DNM3: variants seen among roughly 807,000 people sequenced by gnomAD.
DNM3 encodes the protein dynamin-3.
DNM3 carries 47 observed loss-of-function variants against 101.6 expected under a neutral mutation model. The observed-to-expected ratio is 0.46, with a 90% CI of 0.37 to 0.59. The LOEUF is 0.59. Ranked by LOEUF, DNM3 falls within the 20% of genes least tolerant of loss-of-function variation. DNM3 has a pLI of 0.00. For missense variants in DNM3, 849 were observed against 1,085.7 expected (o/e 0.78, Z 3.06); for synonymous variants, 385 against 387.9 (o/e 0.99, Z 0.09).
intron 14 of DNM3, among the ~76,000 whole-genome samples, chr1:172,228,086 A>G (rs188613193): frequency 1.8e-4 from 27 of 152,082 alleles, no homozygotes; most frequent in Admixed American, 5.2e-4. Flanking sequence ...ATTCATATAT[A>G]TTGCCAATAC....
intron 4 of DNM3, among the ~76,000 whole-genome samples, chr1:172,030,086 C>A (rs2048495015): frequency 6.6e-6 from 1 of 152,086 alleles, no homozygotes; most frequent in Admixed American, 6.5e-5. Context: ...CCAAAAAGAG[C>A]CCATGTAGCC....
intron 14 of DNM3, among the ~76,000 whole-genome samples, chr1:172,213,164 G>T (rs558071970): frequency 6.6e-6 from 1 of 152,180 alleles, no homozygotes; most frequent in East Asian, 1.9e-4. Context: ...AATAAGTCCA[G>T]CACCATCAGG....
At chr1:172,002,517 G>T (rs2046416373) in intron 4 of DNM3, among the ~76,000 whole-genome samples, 1 of 152,056 alleles carries the variant, frequency 6.6e-6, no homozygotes, top group Non-Finnish European at 1.5e-5. Flanking sequence ...TGTTTGCAAA[G>T]AGTAGATCAT....
At position 172,410,805 on chromosome 1, in the gene DNM3, A is replaced by T. The variant is rs2071161993; in HGVS notation, c.*2964A>T. ...CTGTAAGCCTTCTCGACTTAGACTT[A>T]AAAAGTGGTCACATAGATTAATTTT... On this transcript the variant is annotated 3_prime_UTR_variant, in exon 21 of 21. Transcript: ENST00000627582. 1 of 985,200 alleles carries T rather than the reference A, an allele frequency of 1.0e-6. No individual in the cohort carries two copies. The highest frequency in any genetic ancestry group is 1.7e-5 in the African/African-American group (1 of 57,224). 61.0% of individuals were successfully genotyped at this position (985,200 alleles called of 1,614,324 possible).
At chr1:172,190,182 G>A (rs2059661648) in intron 14 of DNM3, among the ~76,000 whole-genome samples, 1 of 151,696 alleles carries the variant, frequency 6.6e-6, no homozygotes, top group African/African-American at 2.4e-5. Context: ...CCACCGGCAG[G>A]CCCCAGTGTG....
chr1:172,066,178 A>G (rs1021669215), intron 10 of DNM3, among the ~76,000 whole-genome samples: 2 of 151,926 alleles, frequency 1.3e-5, no homozygotes, highest in African/African-American at 2.4e-5. Flanking sequence ...AAAAATGTCA[A>G]GGGTGTATGG....
chr1:172,184,729 A>C (rs183914332), intron 14 of DNM3, among the ~76,000 whole-genome samples: 1 of 152,132 alleles, frequency 6.6e-6, no homozygotes, highest in Non-Finnish European at 1.5e-5. Context: ...ACGGAATCTG[A>C]CCCATGGACT....
At chr1:172,104,195 T>C (rs2054848674) in intron 13 of DNM3, among the ~76,000 whole-genome samples, 1 of 152,248 alleles carries the variant, frequency 6.6e-6, no homozygotes, top group African/African-American at 2.4e-5. Flanking sequence ...TTTCTGCTTA[T>C]CTATCTCTTG....
intron 4 of DNM3, among the ~76,000 whole-genome samples, chr1:172,004,878 G>C (rs1231174571): frequency 6.6e-6 from 1 of 152,058 alleles, no homozygotes; most frequent in Non-Finnish European, 1.5e-5. Flanking sequence ...AGATGGCACA[G>C]TGAAAAGGAT....
chr1:171,882,428 TATAC>T (rs1425231337), intron 1 of DNM3, among the ~76,000 whole-genome samples: 4 of 93,736 alleles, frequency 4.3e-5, no homozygotes, highest in Admixed American at 2.1e-4. Context: ...TGTCTCTCTC[TATAC>T]ACACACACAC....
Position 171,920,932 on chromosome 1 carries a change from T to TC in DNM3, c.162-814dup, listed in dbSNP as rs766447418. Among the ~76,000 whole-genome samples, 5 of 152,264 alleles carry TC rather than the reference T, an allele frequency of 3.3e-5. No homozygotes were observed. The South Asian group carries it at 6.2e-4, about 19-fold the overall frequency. On this transcript the variant is annotated intron_variant, in intron 1 of 20. Coordinates refer to ENST00000627582, the MANE Select transcript of DNM3 (RefSeq NM_015569.5). Reference sequence around the variant, plus strand: ...TCTACTTGATCCCACATTTTATGTGTCCTTTTTTTTAGACAAGAGTCTCAC... The same window carrying TC: ...TCTACTTGATCCCACATTTTATGTGTCCCTTTTTTTTAGACAAGAGTCTCAC...
intron 4 of DNM3, among the ~76,000 whole-genome samples, chr1:172,004,790 A>C (rs2046569282): frequency 6.6e-6 from 1 of 152,022 alleles, no homozygotes; most frequent in Non-Finnish European, 1.5e-5. Flanking sequence ...GTTTAAATAA[A>C]GGCAAGGAAG....
At chr1:172,391,951 A>G (rs983661230) in intron 20 of DNM3, among the ~76,000 whole-genome samples, 1 of 152,228 alleles carries the variant, frequency 6.6e-6, no homozygotes, top group Non-Finnish European at 1.5e-5. Context: ...TATGATCTTG[A>G]CTTTTAAGAG....
chr1:172,396,304 A>C (rs964090341), intron 20 of DNM3, among the ~76,000 whole-genome samples: 6 of 152,244 alleles, frequency 3.9e-5, no homozygotes, highest in Non-Finnish European at 7.3e-5. Flanking sequence ...ATCCATAGCA[A>C]GGTAGGGTCT....
chr1:171,866,360 A>G (rs927338434), intron 1 of DNM3, among the ~76,000 whole-genome samples: 1 of 151,858 alleles, frequency 6.6e-6, no homozygotes, highest in Non-Finnish European at 1.5e-5. Context: ...TTTGTACATC[A>G]TAGGTAGCCA....
At chr1:172,377,696 T>C (rs565797123) in intron 17 of DNM3, among the ~76,000 whole-genome samples, 21 of 151,798 alleles carry the variant, frequency 1.4e-4, no homozygotes, top group African/African-American at 5.1e-4. Context: ...CTGGAGGCCC[T>C]AAATGCACTG....
chr1:172,193,776 G>A (rs994198603), intron 14 of DNM3, among the ~76,000 whole-genome samples: 21 of 151,876 alleles, frequency 1.4e-4, no homozygotes, highest in African/African-American at 2.7e-4. Flanking sequence ...TCTTGCTAGC[G>A]GTCTATCAAT....
intron 1 of DNM3, among the ~76,000 whole-genome samples, chr1:171,874,728 T>C (rs2035600844): frequency 6.6e-6 from 1 of 151,920 alleles, no homozygotes; most frequent in African/African-American, 2.4e-5. Context: ...GATTGCATGA[T>C]GCTGAGGTTT....
intron 13 of DNM3, among the ~76,000 whole-genome samples, chr1:172,126,920 C>T (rs753341609): frequency 1.7e-4 from 26 of 152,138 alleles, no homozygotes; most frequent in Non-Finnish European, 2.9e-4. Flanking sequence ...AACCCTGGAT[C>T]AATTCCCATT....
Sources: allele counts gnomAD v4.1 joint callset (sites outside exome capture counted in the v4.1 genomes callset), GRCh38; gene constraint gnomAD v4.1.1; transcripts MANE v1.5; gene names NCBI Gene and HGNC (gene_info 2026-07-23, HGNC 2026-07-21).